The following KCND2 variants were observed in gnomAD, a reference collection of about 807,000 sequenced individuals.
KCND2 encodes the protein potassium voltage-gated channel subfamily D member 2.
KCND2 carries 16 observed loss-of-function variants against 54.4 expected under a neutral mutation model. The observed-to-expected ratio is 0.29, with a 90% CI of 0.20 to 0.45. The LOEUF is 0.45. KCND2 is among the 20% of genes least tolerant of loss of function. The pLI, the probability that KCND2 is intolerant of heterozygous loss-of-function variation, is 1.00. For synonymous variants in KCND2, 317 were observed against 310.7 expected, an observed-to-expected ratio of 1.02 and a Z score of -0.21; for missense variants, 486 against 824.2, an observed-to-expected ratio of 0.59 and a Z score of 5.02.
At chr7:120,434,388 C>T (rs1801836853) in intron 1 of KCND2, among the ~76,000 whole-genome samples, 1 of 152,162 alleles carries the variant, frequency 6.6e-6, no homozygotes, top group Non-Finnish European at 1.5e-5. Flanking sequence ...AGTGTACTTC[C>T]ATTTCTTTGA....
chr7:120,421,019 A>G (rs1801612604), intron 1 of KCND2, among the ~76,000 whole-genome samples: 1 of 152,224 alleles, frequency 6.6e-6, no homozygotes, highest in Non-Finnish European at 1.5e-5. Context: ...ATAATGTGGC[A>G]AGTACGTGTA....
At chr7:120,615,905 T>A (rs949334349) in intron 1 of KCND2, among the ~76,000 whole-genome samples, 13 of 152,214 alleles carry the variant, frequency 8.5e-5, no homozygotes, top group African/African-American at 3.1e-4. Context: ...TTCAGGGAGT[T>A]CCATGGTCAA....
At chr7:120,609,050 T>C (rs543620172) in intron 1 of KCND2, among the ~76,000 whole-genome samples, 89 of 152,248 alleles carry the variant, frequency 5.8e-4, no homozygotes, top group African/African-American at 1.9e-3. Context: ...AACCTTGGTT[T>C]TCAGCGGGTT....
Position 120,687,858 on chromosome 7 carries a change from T to G in KCND2, c.1116-45045T>G, listed in dbSNP as rs992373397. Among the ~76,000 whole-genome samples the G allele has an allele frequency of 2.6e-5, 4 of 152,348 alleles. No homozygotes were observed. In the East Asian group the frequency reaches 7.7e-4, roughly 29 times the overall value. Reference sequence around the variant, plus strand: ...ATGAAATAGGGATTGAGATTTACATTGTAAAACAGACCCTTCTTTCAAAAG... The same window carrying G: ...ATGAAATAGGGATTGAGATTTACATGGTAAAACAGACCCTTCTTTCAAAAG... On this transcript the variant is annotated intron_variant, in intron 1 of 5. Coordinates refer to ENST00000331113, the MANE Select transcript of KCND2 (RefSeq NM_012281.3).
intron 1 of KCND2, among the ~76,000 whole-genome samples, chr7:120,492,438 C>T (rs983900623): frequency 6.6e-6 from 1 of 151,906 alleles, no homozygotes; most frequent in African/African-American, 2.4e-5. Flanking sequence ...CTTAGTCTAT[C>T]TGGGCTCTTA....
rs140346685 is a variant in KCND2 at position 120,355,038 on chromosome 7, A to C, written c.1115+79291A>C. On this transcript the variant is annotated intron_variant, in intron 1 of 5. Coordinates refer to ENST00000331113, the MANE Select transcript of KCND2 (RefSeq NM_012281.3). ...AATTATATCTGTCCAGACTATGAAG[A>C]AATGACCCTCCTCTCCTGCACTTGC... 2.4e-4 allele frequency among the ~76,000 whole-genome samples: 36 copies of C among 152,304 alleles called. No individual in the cohort carries two copies. In the Middle Eastern group the frequency reaches 0.01, roughly 43 times the overall value.
intron 1 of KCND2, among the ~76,000 whole-genome samples, chr7:120,577,439 A>AGG (rs1211788228): frequency 2.0e-5 from 3 of 152,132 alleles, no homozygotes; most frequent in African/African-American, 7.2e-5. Context: ...CAATTCTATA[A>AGG]GGGACTTTCT....
intron 1 of KCND2, among the ~76,000 whole-genome samples, chr7:120,664,158 C>T (rs1486981460): frequency 2.0e-5 from 3 of 152,036 alleles, no homozygotes; most frequent in Non-Finnish European, 2.9e-5. Flanking sequence ...TCCACTGTTT[C>T]TGTGTTTTAG....
chr7:120,311,448 G>A (rs1466903350), intron 1 of KCND2, among the ~76,000 whole-genome samples: 1 of 152,180 alleles, frequency 6.6e-6, no homozygotes, highest in Non-Finnish European at 1.5e-5. Flanking sequence ...TGAGGAAATA[G>A]CATTAATCTG....
At chr7:120,585,148 T>G (rs975277592) in intron 1 of KCND2, among the ~76,000 whole-genome samples, 2 of 152,086 alleles carry the variant, frequency 1.3e-5, no homozygotes, top group African/African-American at 4.8e-5. Flanking sequence ...TTACTAACAC[T>G]TGCTTTTTGT....
intron 1 of KCND2, among the ~76,000 whole-genome samples, chr7:120,426,067 A>G (rs933161006): frequency 6.6e-6 from 1 of 152,044 alleles, no homozygotes; most frequent in Non-Finnish European, 1.5e-5. Context: ...AATTAATTGT[A>G]TTTTTAAAAA....
In KCND2 at chr7:120,700,695, T is replaced by G. The variant is rs369942594; in HGVS notation, c.1116-32208T>G. ...TGAAATAAACAAATGTTGAAATCAATTCTTTCAGTTCTCTAGGTGTAGTAC... is the reference window on the plus strand; with the variant it reads ...TGAAATAAACAAATGTTGAAATCAAGTCTTTCAGTTCTCTAGGTGTAGTAC... On this transcript the variant is annotated intron_variant, in intron 1 of 5. Coordinates refer to ENST00000331113, the MANE Select transcript of KCND2 (RefSeq NM_012281.3). Among the ~76,000 whole-genome samples the G allele has an allele frequency of 3.3e-5, 5 of 152,346 alleles. No individual in the cohort carries two copies. In the East Asian group the frequency reaches 7.7e-4, roughly 24 times the overall value.
At chr7:120,742,387 T>C in intron 3 of KCND2, 123 bp from the exon 4 acceptor site, 1 of 809,284 alleles carries the variant, frequency 1.2e-6, no homozygotes, top group Non-Finnish European at 2.2e-6. Context: ...TGTTCCTTTC[T>C]AGTTAGAAAA....
intron 1 of KCND2, among the ~76,000 whole-genome samples, chr7:120,309,317 C>T (rs745553364): frequency 2.5e-4 from 38 of 151,844 alleles, no homozygotes; most frequent in Non-Finnish European, 5.0e-4. Flanking sequence ...AGGTGACGCA[C>T]CATACTGAAA....
chr7:120,556,748 T>A (rs144285667), intron 1 of KCND2, among the ~76,000 whole-genome samples: 2 of 152,252 alleles, frequency 1.3e-5, no homozygotes, highest in East Asian at 3.9e-4. Flanking sequence ...AAAAAAAATA[T>A]GTACCTGCAA....
intron 1 of KCND2, among the ~76,000 whole-genome samples, chr7:120,340,574 G>A (rs538352346): frequency 1.3e-5 from 2 of 152,338 alleles, no homozygotes; most frequent in Middle Eastern, 3.4e-3. Context: ...AACAATTAGT[G>A]TGGCGTCATG....
intron 1 of KCND2, among the ~76,000 whole-genome samples, chr7:120,540,845 A>G (rs189107230): frequency 1.5e-4 from 23 of 152,308 alleles, no homozygotes; most frequent in African/African-American, 5.1e-4. Flanking sequence ...AGTACTTTCA[A>G]TGTCCAAATT....
chr7:120,641,308 G>C (rs1793369799), intron 1 of KCND2, among the ~76,000 whole-genome samples: 1 of 152,046 alleles, frequency 6.6e-6, no homozygotes. Context: ...AAAATGCAAA[G>C]AGATGATCTT....
At chr7:120,617,155 A>AT (rs1349542227) in intron 1 of KCND2, among the ~76,000 whole-genome samples, 2 of 152,206 alleles carry the variant, frequency 1.3e-5, no homozygotes, top group African/African-American at 4.8e-5. Flanking sequence ...ACCTGGGAAC[A>AT]TTTTGTATGT....
Sources: gnomAD v4.1 joint callset for allele counts (sites outside exome capture counted in the v4.1 genomes callset) on GRCh38, gnomAD v4.1.1 for gene constraint, MANE v1.5 for transcripts, NCBI Gene and HGNC (gene_info 2026-07-23, HGNC 2026-07-21) for gene names.